The following PHACTR3 variants were observed in gnomAD, a reference collection of about 807,000 sequenced individuals.
The protein encoded by PHACTR3 is phosphatase and actin regulator 3, also known as protein phosphatase 1, regulatory subunit 123.
Under a neutral mutation model 66.8 loss-of-function variants are expected in PHACTR3, and 16 were observed. The ratio of observed to expected loss-of-function variants is 0.24; its 90% CI spans 0.16 to 0.36. The LOEUF (loss-of-function observed/expected upper bound fraction) is 0.36. PHACTR3 is among the 10% of genes least tolerant of loss of function. The probability of loss-of-function intolerance (pLI) is 1.00; values close to 1 mark genes in which losing one functional copy is unlikely to be tolerated. For synonymous variants in PHACTR3, 323 were observed against 292.1 expected (o/e 1.11, Z -1.08); for missense variants, 647 against 719.9 (o/e 0.90, Z 1.16).
At chr20:59,621,525 G>T (rs1173435913) in intron 1 of PHACTR3, among the ~76,000 whole-genome samples, 1 of 152,232 alleles carries the variant, frequency 6.6e-6, no homozygotes, top group African/African-American at 2.4e-5. Flanking sequence ...GCATATTTCT[G>T]GTCCATGATA....
chr20:59,674,568 GC>G (rs1568697167), intron 1 of PHACTR3, among the ~76,000 whole-genome samples: 20 of 29,632 alleles, frequency 6.7e-4, no homozygotes, highest in African/African-American at 6.4e-3. Flanking sequence ...CCTATTCCCC[GC>G]TTCTCCTGTT....
At chr20:59,805,119 C>T (rs2041527162) in intron 7 of PHACTR3, among the ~76,000 whole-genome samples, 1 of 152,206 alleles carries the variant, frequency 6.6e-6, no homozygotes, top group African/African-American at 2.4e-5. Flanking sequence ...TTAACTAGCA[C>T]CCACATTTCC....
At chr20:59,752,719 G>A (rs891508292) in intron 3 of PHACTR3, among the ~76,000 whole-genome samples, 1 of 152,156 alleles carries the variant, frequency 6.6e-6, no homozygotes, top group South Asian at 2.1e-4. Flanking sequence ...TGATGATGAC[G>A]ATGGAGGCAT....
intron 1 of PHACTR3, among the ~76,000 whole-genome samples, chr20:59,687,054 T>A (rs1051313423): frequency 2.8e-5 from 3 of 105,914 alleles, no homozygotes; most frequent in Non-Finnish European, 6.0e-5. Flanking sequence ...TGGTGGTGAT[T>A]GTGATGATGG....
intron 1 of PHACTR3, among the ~76,000 whole-genome samples, chr20:59,734,361 C>T (rs188019038): frequency 1.3e-5 from 2 of 152,172 alleles, no homozygotes; most frequent in African/African-American, 2.4e-5. Context: ...AAGCAATCCT[C>T]CTGCCTCAGC....
intron 1 of PHACTR3, among the ~76,000 whole-genome samples, chr20:59,656,876 T>G (rs1040962521): frequency 2.6e-5 from 4 of 152,002 alleles, no homozygotes; most frequent in African/African-American, 9.7e-5. Flanking sequence ...CATACTAACT[T>G]AATTTCAGTT....
chr20:59,798,241 C>G (rs944784788), intron 7 of PHACTR3, among the ~76,000 whole-genome samples: 5 of 152,096 alleles, frequency 3.3e-5, no homozygotes, highest in Non-Finnish European at 7.4e-5. Flanking sequence ...GGCCTTAAAT[C>G]CATTCATTAT....
At chr20:59,653,186 A>AT (rs757041161) in intron 1 of PHACTR3, among the ~76,000 whole-genome samples, 4,601 of 143,944 alleles carry the variant, frequency 0.032, 208 homozygotes, top group African/African-American at 0.1. Flanking sequence ...CGAGAAAGTA[A>AT]TTTTTTTTTT....
intron 1 of PHACTR3, among the ~76,000 whole-genome samples, chr20:59,610,780 G>C (rs1023769160): frequency 3.9e-5 from 6 of 152,180 alleles, no homozygotes; most frequent in African/African-American, 1.4e-4. Context: ...ACCAGTGCTA[G>C]CACTGTGCTA....
intron 8 of PHACTR3, among the ~76,000 whole-genome samples, chr20:59,823,061 C>A (rs935796715): frequency 3.3e-5 from 5 of 152,224 alleles, no homozygotes; most frequent in Non-Finnish European, 5.9e-5. Context: ...CTGGCAGGTG[C>A]TCCATTGGTG....
chr20:59,784,308 G>C (rs576823720), intron 7 of PHACTR3, among the ~76,000 whole-genome samples: 110 of 138,202 alleles, frequency 8.0e-4, no homozygotes, highest in South Asian at 3.0e-3. Flanking sequence ...ATATGTGTGT[G>C]TGTGGATGTA....
At chr20:59,749,564 G>C (rs76303903) in intron 3 of PHACTR3, among the ~76,000 whole-genome samples, 8,916 of 152,182 alleles carry the variant, frequency 0.059, 431 homozygotes, top group African/African-American at 0.13. Flanking sequence ...CTCTGACGGC[G>C]ACATCACACA....
chr20:59,801,724 A>G (rs1428268289), intron 7 of PHACTR3, among the ~76,000 whole-genome samples: 1 of 152,204 alleles, frequency 6.6e-6, no homozygotes, highest in Non-Finnish European at 1.5e-5. Context: ...TAAACTCATC[A>G]TATTTGTTTT....
intron 1 of PHACTR3, among the ~76,000 whole-genome samples, chr20:59,609,876 T>C (rs949783647): frequency 2.6e-5 from 4 of 152,214 alleles, no homozygotes; most frequent in Non-Finnish European, 5.9e-5. Context: ...GCTAGATGCT[T>C]AAAAAATACT....
chr20:59,819,173 G>A (rs1202303759), intron 8 of PHACTR3, among the ~76,000 whole-genome samples: 2 of 152,172 alleles, frequency 1.3e-5, no homozygotes, highest in African/African-American at 4.8e-5. Context: ...GGGAAGCCGA[G>A]GCAGGAGAAT....
At chr20:59,732,659 C>T (rs755041876) in intron 1 of PHACTR3, among the ~76,000 whole-genome samples, 2 of 152,062 alleles carry the variant, frequency 1.3e-5, no homozygotes, top group South Asian at 2.1e-4. Context: ...AGAGGTGGCT[C>T]GGGAATTGCA....
chr20:59,719,140 G>A (rs1034291124), intron 1 of PHACTR3, among the ~76,000 whole-genome samples: 3 of 152,138 alleles, frequency 2.0e-5, no homozygotes, highest in African/African-American at 7.2e-5. Flanking sequence ...TGCATGCTGG[G>A]GCGAAATTCC....
At chr20:59,626,356 A>C (rs2034446567) in intron 1 of PHACTR3, 1 of 152,558 alleles carries the variant, frequency 6.6e-6, no homozygotes, top group Non-Finnish European at 1.5e-5. Flanking sequence ...GAGTGATGAT[A>C]AAGTGAGGCT....
intron 12 of PHACTR3, 74 bp from the exon 13 acceptor site, chr20:59,847,041 G>A: frequency 1.9e-6 from 2 of 1,033,172 alleles, no homozygotes. Flanking sequence ...AAATTTATTT[G>A]TATAAGGTTT....
Sources: gnomAD v4.1 joint callset for allele counts (sites outside exome capture counted in the v4.1 genomes callset) on GRCh38, gnomAD v4.1.1 for gene constraint, MANE v1.5 for transcripts, NCBI Gene and HGNC (gene_info 2026-07-23, HGNC 2026-07-21) for gene names.